Variants in DPP10 observed in about 807,000 individuals in gnomAD.
DPP10 encodes the protein inactive dipeptidyl peptidase 10.
A neutral mutation model predicts 120.9 loss-of-function variants in DPP10; 33 were observed. The observed-to-expected ratio is 0.27, with a 90% confidence interval of 0.21 to 0.37. DPP10 has a LOEUF of 0.37. Among genes scored for constraint, DPP10 ranks in the 10% least tolerant of loss-of-function variants. DPP10 has a pLI of 1.00. For missense variants in DPP10, 816 were observed against 942.8 expected, an observed-to-expected ratio of 0.87 and a Z score of 1.76; for synonymous variants, 337 against 326.1, an observed-to-expected ratio of 1.03 and a Z score of -0.36.
At chr2:115,632,802 T>A (rs1359755790) in intron 5 of DPP10, among the ~76,000 whole-genome samples, 1 of 152,134 alleles carries the variant, frequency 6.6e-6, no homozygotes, top group Non-Finnish European at 1.5e-5. Context: ...AAAGAAGACA[T>A]TTATGCAGCC....
intron 1 of DPP10, among the ~76,000 whole-genome samples, chr2:115,222,285 C>T (rs1468035732): frequency 1.3e-5 from 2 of 152,128 alleles, no homozygotes; most frequent in Admixed American, 6.6e-5. Context: ...ATCTCTAGCT[C>T]AATCAGTTCA....
chr2:114,956,446 G>A lies in DPP10; in HGVS notation c.61-352793G>A, dbSNP rs527236613. 2.0e-5 allele frequency among the ~76,000 whole-genome samples: 3 copies of A among 151,880 alleles called. No individual in the cohort carries two copies. In the South Asian group the frequency reaches 6.2e-4, roughly 32 times the overall value. On this transcript the variant is annotated intron_variant, in intron 1 of 25. Transcript: ENST00000410059. ...TAAAACATTGATGAAAAACATTGAA[G>A]AAGAGACAAATAAATGGAAAGATAT...
intron 17 of DPP10, 143 bp from the exon 18 acceptor site, chr2:115,790,938 T>A: frequency 1.9e-6 from 1 of 525,576 alleles, no homozygotes. Context: ...AGAAAACTGT[T>A]GTAGTAATTC....
chr2:114,833,341 A>G (rs867396132), intron 1 of DPP10: 17 of 151,806 alleles, frequency 1.1e-4, no homozygotes, highest in Admixed American at 5.3e-4. Flanking sequence ...GAGAATGTCA[A>G]TCATTTTCAA....
intron 5 of DPP10, among the ~76,000 whole-genome samples, chr2:115,582,698 T>TAAGAGC (rs2082067943): frequency 6.6e-6 from 1 of 152,212 alleles, no homozygotes; most frequent in Admixed American, 6.5e-5. Flanking sequence ...TCACATCTCT[T>TAAGAGC]AAGAGCAACA....
intron 1 of DPP10, among the ~76,000 whole-genome samples, chr2:114,920,133 C>A (rs768102448): frequency 6.6e-6 from 1 of 152,156 alleles, no homozygotes; most frequent in Non-Finnish European, 1.5e-5. Flanking sequence ...GAATGGCTAG[C>A]TTCGGGAGGG....
intron 1 of DPP10, among the ~76,000 whole-genome samples, chr2:115,097,517 C>G (rs1030811999): frequency 1.3e-5 from 2 of 152,134 alleles, no homozygotes; most frequent in African/African-American, 4.8e-5. Context: ...ATTAATCCCT[C>G]AATAACATGA....
At chr2:115,435,346 C>T (rs1458017153) in intron 3 of DPP10, among the ~76,000 whole-genome samples, 2 of 151,674 alleles carry the variant, frequency 1.3e-5, no homozygotes, top group Non-Finnish European at 3.0e-5. Flanking sequence ...TTCTCCACAT[C>T]CTCGTTACCA....
At chr2:115,086,244 G>T (rs1358442728) in intron 1 of DPP10, among the ~76,000 whole-genome samples, 1 of 152,096 alleles carries the variant, frequency 6.6e-6, no homozygotes, top group African/African-American at 2.4e-5. Flanking sequence ...TCTAACTGCA[G>T]CCACTATAAG....
At chr2:115,053,244 CA>C (rs1705647518) in intron 1 of DPP10, among the ~76,000 whole-genome samples, 1 of 152,072 alleles carries the variant, frequency 6.6e-6, no homozygotes, top group South Asian at 2.1e-4. Flanking sequence ...AATGGGTAAA[CA>C]ATATGTGGTA....
chr2:115,358,217 T>C (rs2064534141), intron 3 of DPP10, among the ~76,000 whole-genome samples: 1 of 152,152 alleles, frequency 6.6e-6, no homozygotes, highest in Non-Finnish European at 1.5e-5. Context: ...CTTTTTTGTT[T>C]GCCTCCTCTT....
intron 9 of DPP10, among the ~76,000 whole-genome samples, chr2:115,740,655 C>T (rs933087742): frequency 6.6e-6 from 1 of 152,058 alleles, no homozygotes; most frequent in Non-Finnish European, 1.5e-5. Flanking sequence ...AAACTATTTT[C>T]AAGTGTTGGG....
chr2:114,552,514 G>C (rs1687962592), intron 1 of DPP10, among the ~76,000 whole-genome samples: 1 of 151,936 alleles, frequency 6.6e-6, no homozygotes. Flanking sequence ...CTGAAACTCT[G>C]TGACTTTCCA....
At chr2:115,300,390 C>A (rs1418685762) in intron 1 of DPP10, among the ~76,000 whole-genome samples, 1 of 152,006 alleles carries the variant, frequency 6.6e-6, no homozygotes, top group Non-Finnish European at 1.5e-5. Flanking sequence ...TATGTTGTAG[C>A]AACTGTCGGG....
At chr2:115,766,381 A>C (rs1406540352) in intron 12 of DPP10, among the ~76,000 whole-genome samples, 6 of 141,836 alleles carry the variant, frequency 4.2e-5, no homozygotes, top group African/African-American at 1.3e-4. Context: ...ATTTACCCCC[A>C]CCATTAAAAG....
At chr2:115,793,868 T>A (rs911953067) in intron 19 of DPP10, among the ~76,000 whole-genome samples, 23 of 152,212 alleles carry the variant, frequency 1.5e-4, no homozygotes, top group South Asian at 8.3e-4. Flanking sequence ...TCTTTTTTTT[T>A]AAATTTATAC....
At chr2:114,623,642 T>C (rs1431708378) in intron 1 of DPP10, among the ~76,000 whole-genome samples, 1 of 152,074 alleles carries the variant, frequency 6.6e-6, no homozygotes, top group African/African-American at 2.4e-5. Context: ...AAAAATGACC[T>C]ATAAAATAGT....
chr2:115,330,640 G>T (rs1239651672), intron 2 of DPP10, among the ~76,000 whole-genome samples: 1 of 151,902 alleles, frequency 6.6e-6, no homozygotes, highest in Non-Finnish European at 1.5e-5. Flanking sequence ...TCCAGTTTCA[G>T]CTTTCTACAT....
chr2:114,730,404 A>G (rs1194763472), intron 1 of DPP10, among the ~76,000 whole-genome samples: 1 of 152,212 alleles, frequency 6.6e-6, no homozygotes, highest in Admixed American at 6.5e-5. Context: ...TTCAGGAGGG[A>G]CAGTACTTTG....
Sources: gnomAD v4.1 joint callset for allele counts (sites outside exome capture counted in the v4.1 genomes callset) on GRCh38, gnomAD v4.1.1 for gene constraint, MANE v1.5 for transcripts, NCBI Gene and HGNC (gene_info 2026-07-23, HGNC 2026-07-21) for gene names.